Variants in EPOR observed in about 807,000 individuals in gnomAD.
EPOR encodes the protein erythropoietin receptor.
In EPOR, 20 loss-of-function variants were observed where a neutral mutation model predicts 34.3. The observed-to-expected ratio is 0.58, with a 90% CI of 0.41 to 0.85. The LOEUF (loss-of-function observed/expected upper bound fraction) is 0.85, where lower values mean the gene tolerates loss of function less well. EPOR is among the 40% of genes least tolerant of loss of function. EPOR has a pLI of 0.00. For synonymous variants in EPOR, 312 were observed against 299.0 expected (o/e 1.04, Z -0.45); for missense variants, 601 against 672.7 (o/e 0.89, Z 1.18).
At position 11,381,628 on chromosome 19, in the gene EPOR, G is replaced by C; in HGVS notation, c.585+64C>G. 1 of 1,530,384 alleles carries C rather than the reference G, an allele frequency of 6.5e-7. No individual in the cohort carries two copies. The highest frequency in any genetic ancestry group is 8.8e-7 in the Non-Finnish European group (1 of 1,131,286). The allele number at this position is 1,530,384 out of a possible 1,614,324, so 94.8% of individuals were successfully genotyped here. On this transcript the variant is annotated intron_variant, in intron 4 of 7. Transcript: ENST00000222139. The surrounding 1 kb of genome is among the most constrained non-coding windows in gnomAD (Gnocchi z 5.3). The stretch of plus-strand genomic sequence containing the variant: ...TGAAAGCGGCACCGGGCGCGACCTC[G>C]AGAGGCGTGGCTGGGCCGTAGTCAG...
rs1390814709 is a variant in EPOR at position 11,380,885 on chromosome 19, G to A, written c.826C>T (p.Arg276Trp). The change falls in exon 6 of 8, where the codon CGG becomes TGG. Residue 276 changes from arginine to tryptophan, a missense_variant and splice_region_variant. Coordinates refer to ENST00000222139, the MANE Select transcript of EPOR (RefSeq NM_000121.4). Reference protein sequence around the residue: ...LTVLALLSHRRALKQKIWPGI... With the variant: ...LTVLALLSHRWALKQKIWPGI... ...CCAGCGCCCAAATGGGGAGCTCACC[G>A]GCGGTGGGAGAGCAGCGCGAGCACG... 1.9e-6 allele frequency: 3 copies of A among 1,550,490 alleles called. No individual in the cohort carries two copies. Among genetic ancestry groups the A allele is most frequent in the East Asian group, 4.9e-5 (2 of 40,936 alleles).
chr19:11,377,480 C>T lies in EPOR; in HGVS notation c.*504G>A, dbSNP rs150535617. Reference sequence around the variant, plus strand: ...TAGAACAGGGGATCCATCTAAGTACCCTAAGAGAAGGTAGAGCTACAGACT... The same window carrying T: ...TAGAACAGGGGATCCATCTAAGTACTCTAAGAGAAGGTAGAGCTACAGACT... On this transcript the variant is annotated 3_prime_UTR_variant, in exon 8 of 8. Transcript: ENST00000222139. 1.0e-2 allele frequency: 4,528 copies of T among 454,078 alleles called. 73 individuals are homozygous for T. The highest frequency in any genetic ancestry group is 0.047 in the Admixed American group (2,005 of 42,554). The allele number at this position is 454,078 out of a possible 1,614,324, so 28.1% of individuals were successfully genotyped here. A position where few individuals can be genotyped will look rare whatever the true frequency, so the allele number is the denominator to read the frequency against.
At chr19:11,382,927 G>T (rs745435189) in intron 2 of EPOR, 170 bp downstream of exon 2, 4 of 1,538,912 alleles carry the variant, frequency 2.6e-6, no homozygotes, top group Non-Finnish European at 3.5e-6. Context: ...TTCGCGCCCC[G>T]GCCCATAGAG....
At position 11,381,609 on chromosome 19, in the gene EPOR, C is replaced by A. The variant is rs1340067706; in HGVS notation, c.585+83G>T. The A allele has an allele frequency of 3.5e-6, 5 of 1,430,652 alleles. No individual in the cohort carries two copies. The highest frequency in any genetic ancestry group is 2.4e-4 in the Middle Eastern group (1 of 4,214). The allele number at this position is 1,430,652 out of a possible 1,614,324, so 88.6% of individuals were successfully genotyped here. A position where few individuals can be genotyped will look rare whatever the true frequency, so the allele number is the denominator to read the frequency against. On this transcript the variant is annotated intron_variant, in intron 4 of 7. Coordinates refer to ENST00000222139, the MANE Select transcript of EPOR (RefSeq NM_000121.4). The surrounding 1 kb of genome is among the most constrained non-coding windows in gnomAD (Gnocchi z 5.3). Reference sequence around the variant, plus strand: ...GGATGTTACGGACCGGCCCTGAAAGCGGCACCGGGCGCGACCTCGAGAGGC... The same window carrying A: ...GGATGTTACGGACCGGCCCTGAAAGAGGCACCGGGCGCGACCTCGAGAGGC...
chr19:11,381,413 G>T lies in EPOR; in HGVS notation c.586-204C>A. 1 of 696,528 alleles carries T rather than the reference G, an allele frequency of 1.4e-6. No individual in the cohort carries two copies. Among genetic ancestry groups the T allele is most frequent in the South Asian group, 1.8e-5 (1 of 54,958 alleles). The allele number at this position is 696,528 out of a possible 1,614,324, so 43.1% of individuals were successfully genotyped here. A position where few individuals can be genotyped will look rare whatever the true frequency, so the allele number is the denominator to read the frequency against. ...TCTGGTACGAAAGGGCGGGACCCGG[G>T]CAATTTAATATCTGGGCTAGCACTC... On this transcript the variant is annotated intron_variant, in intron 4 of 7. Coordinates refer to ENST00000222139, the MANE Select transcript of EPOR (RefSeq NM_000121.4). This position sits in a 1 kb window ranked among gnomAD's most constrained non-coding sequence, Gnocchi z 5.3.
At position 11,378,276 on chromosome 19, in the gene EPOR, G is replaced by A. The variant is rs281860298; in HGVS notation, c.1235C>T (p.Ser412Leu). ...EASSCSSALASKPSPEGASAA... is the reference protein window; with the variant it reads ...EASSCSSALALKPSPEGASAA... ...AGAGGCTCCCTCTGGGCTGGGCTTC[G>A]AGGCCAAAGCAGATGAGCAGGAGGA... The change falls in exon 8 of 8, where the codon TCG (serine) becomes TTG (leucine). Residue 412 changes from serine (S) to leucine (L), a missense_variant. Coordinates refer to ENST00000222139, the MANE Select transcript of EPOR (RefSeq NM_000121.4). The surrounding 1 kb of genome is among the most constrained non-coding windows in gnomAD (Gnocchi z 5.3). 1.1e-5 allele frequency: 17 copies of A among 1,614,060 alleles called. No homozygotes were observed. In the East Asian group the frequency reaches 1.1e-4, roughly 11 times the overall value.
At chr19:11,379,169 AT>A (rs1412802190) in intron 6 of EPOR, among the ~76,000 whole-genome samples, 15 of 151,214 alleles carry the variant, frequency 9.9e-5, no homozygotes, top group African/African-American at 2.2e-4. Context: ...TCTAAAAAAA[AT>A]AAAATAAAAT....
In EPOR at chr19:11,384,175, C is replaced by G; in HGVS notation, c.33G>C (p.Gln11His). Residue 11 changes from glutamine (Q) to histidine (H), a missense_variant, in exon 1 of 8, where the codon CAG becomes CAC. Coordinates refer to ENST00000222139, the MANE Select transcript of EPOR (RefSeq NM_000121.4). ...CGAGCAGGAGACAAAGGGAGCCGAC[C>G]TGGGGCCAGAGGGACGCCCCGAGGT... MDHLGASLWP[Q>H]VGSLCLLLAG... 6.5e-7 allele frequency: 1 copy of G among 1,549,218 alleles called. No individual in the cohort carries two copies. The highest frequency in any genetic ancestry group is 2.0e-5 in the Admixed American group (1 of 50,990).
intron 2 of EPOR, among the ~76,000 whole-genome samples, chr19:11,382,361 C>CTTTTTT (rs869111819): frequency 8.0e-6 from 1 of 124,894 alleles, no homozygotes; most frequent in Admixed American, 8.2e-5. Context: ...CCACGCCTGG[C>CTTTTTT]TTTTTTTTTT....
chr19:11,378,327 A>G lies in EPOR; in HGVS notation c.1184T>C (p.Val395Ala), dbSNP rs1331243823. ...TGCTTCTGAGCCTTCATCCATGGCC[A>G]CTATGTCCACACTGCCACCAGGCCC... Reference protein sequence around the residue: ...LPGPGGSVDIVAMDEGSEASS... With the variant: ...LPGPGGSVDIAAMDEGSEASS... Residue 395 changes from valine to alanine, a missense_variant, in exon 8 of 8, where the codon GTG becomes GCG. Val to Ala is a moderately conservative substitution (Grantham distance 64, BLOSUM62 0). Coordinates refer to ENST00000222139, the MANE Select transcript of EPOR (RefSeq NM_000121.4). This position sits in a 1 kb window ranked among gnomAD's most constrained non-coding sequence, Gnocchi z 5.3. 3.1e-6 allele frequency: 5 copies of G among 1,613,466 alleles called. No individual in the cohort carries two copies. Among genetic ancestry groups the G allele is most frequent in the Admixed American group, 1.7e-5 (1 of 60,018 alleles).
At position 11,378,250 on chromosome 19, in the gene EPOR, C is replaced by G. The variant is rs778502413; in HGVS notation, c.1261G>C (p.Ala421Pro). The G allele has an allele frequency of 1.1e-5, 17 of 1,614,158 alleles. No individual in the cohort carries two copies. The South Asian group carries it at 1.6e-4, about 16-fold the overall frequency. ...ASKPSPEGAS[A>P]ASFEYTILDP... Reference sequence around the variant, plus strand: ...AGGATAGTGTACTCAAAGCTGGCAGCAGAGGCTCCCTCTGGGCTGGGCTTC... The same window carrying G: ...AGGATAGTGTACTCAAAGCTGGCAGGAGAGGCTCCCTCTGGGCTGGGCTTC... Residue 421 changes from alanine (A) to proline (P), a missense_variant, in exon 8 of 8, where the codon GCT becomes CCT. Transcript: ENST00000222139. The surrounding 1 kb of genome is among the most constrained non-coding windows in gnomAD (Gnocchi z 5.3).
chr19:11,381,747 T>C lies in EPOR; in HGVS notation c.530A>G (p.His177Arg). 1 of 1,613,208 alleles carries C rather than the reference T, an allele frequency of 6.2e-7. No homozygotes were observed. The highest frequency in any genetic ancestry group is 8.5e-7 in the Non-Finnish European group (1 of 1,179,712). ...CGAGACGTCCACCTCGTAGCGGATG[T>C]GAGACGTCATGGGTGTCTCAGGCGG... is the stretch of plus-strand genomic sequence containing the variant. ...LPPPETPMTS[H>R]IRYEVDVSAG... Residue 177 changes from histidine (H) to arginine (R), a missense_variant, in exon 4 of 8, where the codon CAC becomes CGC. Transcript: ENST00000222139. The surrounding 1 kb of genome is among the most constrained non-coding windows in gnomAD (Gnocchi z 5.3).
In EPOR at chr19:11,383,229, G is replaced by T. The variant is rs780705663; in HGVS notation, c.119C>A (p.Ala40Asp). The T allele has an allele frequency of 2.5e-6, 4 of 1,596,606 alleles. No individual in the cohort carries two copies. In the African/African-American group the frequency reaches 4.0e-5, roughly 16 times the overall value. Residue 40 changes from alanine to aspartate, a missense_variant, in exon 2 of 8, where the codon GCC becomes GAC. Physicochemically the swap from Ala to Asp is moderately radical, Grantham distance 126. Coordinates refer to ENST00000222139, the MANE Select transcript of EPOR (RefSeq NM_000121.4). The surrounding 1 kb of genome is among the most constrained non-coding windows in gnomAD (Gnocchi z 4.9). ...TTCGGGCCCCCGGGCCGCCAGCAAGGCCGCTGGGGAGGGGCGACAAAGGAA... is the reference window on the plus strand; with the variant it reads ...TTCGGGCCCCCGGGCCGCCAGCAAGTCCGCTGGGGAGGGGCGACAAAGGAA... ...LPDPKFESKA[A>D]LLAARGPEEL...
Position 11,383,634 on chromosome 19 carries a change from GCCTC to G in EPOR, c.116-406_116-403del, listed in dbSNP as rs1968396375. The G allele has an allele frequency of 9.2e-6, 2 of 217,764 alleles. No individual in the cohort carries two copies. Among genetic ancestry groups the G allele is most frequent in the South Asian group, 7.7e-5 (1 of 12,980 alleles). 13.5% of individuals were successfully genotyped at this position (217,764 alleles called of 1,614,324 possible). On this transcript the variant is annotated intron_variant, in intron 1 of 7. Coordinates refer to ENST00000222139, the MANE Select transcript of EPOR (RefSeq NM_000121.4). The surrounding 1 kb of genome is among the most constrained non-coding windows in gnomAD (Gnocchi z 4.9). ...ACCGATAGCGCCAACCGTGCCCCCC[GCCTC>G]CCTCCCTCCACCGGGCCGGGCAAGT...
intron 2 of EPOR, 149 bp downstream of exon 2, chr19:11,382,948 C>T (rs1968383252): frequency 3.2e-6 from 5 of 1,556,390 alleles, no homozygotes; most frequent in Non-Finnish European, 4.3e-6. Flanking sequence ...GGCGTGCCAG[C>T]CCTGGACCCG....
intron 2 of EPOR, 186 bp downstream of exon 2, chr19:11,382,911 G>C (rs1238063050): frequency 2.7e-5 from 42 of 1,532,878 alleles, no homozygotes; most frequent in Non-Finnish European, 3.6e-5. Context: ...GGTGATCGCG[G>C]GAGTGTTCGC....
In EPOR at chr19:11,381,572, T is replaced by C. The variant is rs1267181899; in HGVS notation, c.585+120A>G. On this transcript the variant is annotated intron_variant, in intron 4 of 7. Coordinates refer to ENST00000222139, the MANE Select transcript of EPOR (RefSeq NM_000121.4). The surrounding 1 kb of genome is among the most constrained non-coding windows in gnomAD (Gnocchi z 5.3). ...CGTGGAACGGTCTTCAGCACCAGGGTAATGGGATGTGGGATGTTACGGACC... is the reference window on the plus strand; with the variant it reads ...CGTGGAACGGTCTTCAGCACCAGGGCAATGGGATGTGGGATGTTACGGACC... 2 of 1,033,108 alleles carry C rather than the reference T, an allele frequency of 1.9e-6. No homozygotes were observed. Among genetic ancestry groups the C allele is most frequent in the African/African-American group, 1.6e-5 (1 of 62,826 alleles). 64.0% of individuals were successfully genotyped at this position (1,033,108 alleles called of 1,614,324 possible). A position where few individuals can be genotyped will look rare whatever the true frequency, so the allele number is the denominator to read the frequency against.
In EPOR at chr19:11,381,631, A is replaced by T; in HGVS notation, c.585+61T>A. 1 of 1,534,750 alleles carries T rather than the reference A, an allele frequency of 6.5e-7. No individual in the cohort carries two copies. The highest frequency in any genetic ancestry group is 8.8e-7 in the Non-Finnish European group (1 of 1,134,220). On this transcript the variant is annotated intron_variant, in intron 4 of 7. Coordinates refer to ENST00000222139, the MANE Select transcript of EPOR (RefSeq NM_000121.4). This position sits in a 1 kb window ranked among gnomAD's most constrained non-coding sequence, Gnocchi z 5.3. ...AAGCGGCACCGGGCGCGACCTCGAGAGGCGTGGCTGGGCCGTAGTCAGTGG... is the reference window on the plus strand; with the variant it reads ...AAGCGGCACCGGGCGCGACCTCGAGTGGCGTGGCTGGGCCGTAGTCAGTGG...
At position 11,377,898 on chromosome 19, in the gene EPOR, G is replaced by T; in HGVS notation, c.*86C>A. Reference sequence around the variant, plus strand: ...AGCAATGCCCCTGCTCCTGAGAGAGGCCTCGCCATCCCTGTTCCATAAGTC... The same window carrying T: ...AGCAATGCCCCTGCTCCTGAGAGAGTCCTCGCCATCCCTGTTCCATAAGTC... On this transcript the variant is annotated 3_prime_UTR_variant, in exon 8 of 8. Coordinates refer to ENST00000222139, the MANE Select transcript of EPOR (RefSeq NM_000121.4). 6.4e-7 allele frequency: 1 copy of T among 1,552,158 alleles called. No homozygotes were observed. The highest frequency in any genetic ancestry group is 8.9e-7 in the Non-Finnish European group (1 of 1,127,858).
Sources: allele counts gnomAD v4.1 joint callset (sites outside exome capture counted in the v4.1 genomes callset), GRCh38; gene constraint gnomAD v4.1.1; non-coding constraint Gnocchi (gnomAD v3.1); transcripts MANE v1.5; gene names NCBI Gene and HGNC (gene_info 2026-07-23, HGNC 2026-07-21).